Variants in RBFOX1 observed in about 807,000 individuals in gnomAD.
RBFOX1 encodes RNA binding fox-1 homolog 1.
RBFOX1 carries 8 observed loss-of-function variants against 57.7 expected under a neutral mutation model. The ratio of observed to expected loss-of-function variants is 0.14; its 90% confidence interval spans 0.08 to 0.25. The LOEUF (loss-of-function observed/expected upper bound fraction) is 0.25, where lower values mean the gene tolerates loss of function less well. Ranked by LOEUF, RBFOX1 falls within the 10% of genes least tolerant of loss-of-function variation. The probability of loss-of-function intolerance (pLI) is 1.00; values close to 1 mark genes in which losing one functional copy is unlikely to be tolerated. For missense variants in RBFOX1, 611 were observed against 548.5 expected (o/e 1.11, Z -1.14); for synonymous variants, 326 against 222.4 (o/e 1.47, Z -4.15).
chr16:6,490,487 C>G (rs1318829429), intron 2 of RBFOX1, among the ~76,000 whole-genome samples: 1 of 152,170 alleles, frequency 6.6e-6, no homozygotes, highest in Non-Finnish European at 1.5e-5. Context: ...CCATTTCATA[C>G]CAGCTGTCCT....
At chr16:6,857,340 G>A (rs1167224410) in intron 3 of RBFOX1, among the ~76,000 whole-genome samples, 1 of 152,146 alleles carries the variant, frequency 6.6e-6, no homozygotes, top group Non-Finnish European at 1.5e-5. Flanking sequence ...AAAGATGTAT[G>A]GGTAGCATCT....
In RBFOX1 at chr16:5,489,419, G is replaced by T. The variant is rs116339756; in HGVS notation, c.258+22165G>T. ...ACTGGTTTAAGTTCTGATCAGCCAG[G>T]TAGGTTAAAAGAACAGTTCTGAAAC... On this transcript the variant is annotated intron_variant, in intron 2 of 2. Transcript: ENST00000585867. Among the ~76,000 whole-genome samples, 1,146 of 152,312 alleles carry T rather than the reference G, an allele frequency of 7.5e-3. 10 individuals are homozygous for T. Among genetic ancestry groups the T allele is most frequent in the African/African-American group, 0.026 (1,084 of 41,558 alleles).
intron 2 of RBFOX1, among the ~76,000 whole-genome samples, chr16:6,467,547 AAG>A (rs768549855): frequency 2.5e-4 from 38 of 152,186 alleles, no homozygotes; most frequent in Non-Finnish European, 4.4e-4. Flanking sequence ...CTGTAGAATA[AAG>A]AGAGCTGGTT....
chr16:7,298,361 C>T (rs2095949349), intron 4 of RBFOX1, among the ~76,000 whole-genome samples: 1 of 149,930 alleles, frequency 6.7e-6, no homozygotes, highest in Non-Finnish European at 1.5e-5. Context: ...TGATCTCAGC[C>T]TACCGCAGCC....
intron 2 of RBFOX1, among the ~76,000 whole-genome samples, chr16:6,580,982 A>C (rs2097529712): frequency 6.6e-6 from 1 of 151,864 alleles, no homozygotes; most frequent in South Asian, 2.1e-4. Flanking sequence ...GCATTGATCA[A>C]GAATATATTT....
At chr16:7,086,443 T>A (rs1229462521) in intron 4 of RBFOX1, among the ~76,000 whole-genome samples, 1 of 152,208 alleles carries the variant, frequency 6.6e-6, no homozygotes, top group Non-Finnish European at 1.5e-5. Context: ...TCAATTAATA[T>A]GCTGGGCAAA....
At chr16:6,513,199 C>G (rs762073243) in intron 2 of RBFOX1, among the ~76,000 whole-genome samples, 3 of 152,150 alleles carry the variant, frequency 2.0e-5, no homozygotes, top group Non-Finnish European at 4.4e-5. Context: ...GTAAGAATGC[C>G]TAGCATATTG....
chr16:7,395,921 C>G (rs982007523), intron 4 of RBFOX1, among the ~76,000 whole-genome samples: 1 of 152,034 alleles, frequency 6.6e-6, no homozygotes, highest in African/African-American at 2.4e-5. Context: ...CCAGGGTTAT[C>G]CAAAATATTG....
intron 1 of RBFOX1, among the ~76,000 whole-genome samples, chr16:5,284,346 T>C (rs1467129986): frequency 3.9e-5 from 6 of 152,186 alleles, no homozygotes; most frequent in African/African-American, 9.7e-5. Context: ...TGGTTTTCTT[T>C]AGCGGTGACA....
chr16:6,306,386 C>G (rs1171404561), intron 1 of RBFOX1, among the ~76,000 whole-genome samples: 1 of 152,152 alleles, frequency 6.6e-6, no homozygotes, highest in African/African-American at 2.4e-5. Context: ...TGAGGGCTCT[C>G]AGTTATCGCT....
chr16:6,173,722 G>A lies in RBFOX1; in HGVS notation c.-126-143273G>A, dbSNP rs553147477. On this transcript the variant is annotated intron_variant, in intron 1 of 15. Coordinates refer to ENST00000550418, the MANE Select transcript of RBFOX1 (RefSeq NM_018723.4). ...CCTCTCGGGTTCAAGTGATTCTCCC[G>A]CCTGAACCTCCAGAGTAGCTGGGGC... Among the ~76,000 whole-genome samples, 13 of 142,016 alleles carry A rather than the reference G, an allele frequency of 9.2e-5. 1 individual carries two copies. The South Asian group carries it at 1.7e-3, about 18-fold the overall frequency. The allele number at this position is 142,016 out of a possible 152,430, so 93.2% of individuals were successfully genotyped here. A position where few individuals can be genotyped will look rare whatever the true frequency, so the allele number is the denominator to read the frequency against.
chr16:7,592,949 G>A (rs1055928711), intron 7 of RBFOX1, among the ~76,000 whole-genome samples: 1 of 150,426 alleles, frequency 6.6e-6, no homozygotes, highest in African/African-American at 2.4e-5. Context: ...CCAAGTAGCA[G>A]AGACAATAGG....
At chr16:5,499,604 G>A (rs1010177064) in intron 2 of RBFOX1, among the ~76,000 whole-genome samples, 6 of 150,210 alleles carry the variant, frequency 4.0e-5, no homozygotes, top group South Asian at 2.1e-4. Context: ...GCTGAGTCTC[G>A]CTGTATCGTC....
chr16:7,371,594 A>G (rs1358164083), intron 4 of RBFOX1, among the ~76,000 whole-genome samples: 1 of 152,156 alleles, frequency 6.6e-6, no homozygotes. Context: ...TACTAAAAAT[A>G]CAAAAATTAG....
At chr16:6,003,005 C>T (rs148950773) in intron 4 of RBFOX1, among the ~76,000 whole-genome samples, 30 of 152,248 alleles carry the variant, frequency 2.0e-4, no homozygotes, top group African/African-American at 6.7e-4. Context: ...GAAGACTGGG[C>T]GTGGTGGCTC....
At chr16:6,465,893 T>TGTGTGTGC (rs2095038197) in intron 2 of RBFOX1, among the ~76,000 whole-genome samples, 1 of 151,902 alleles carries the variant, frequency 6.6e-6, no homozygotes, top group African/African-American at 2.4e-5. Context: ...TTTGTGTGTG[T>TGTGTGTGC]GTGTGTGTGT....
intron 4 of RBFOX1, among the ~76,000 whole-genome samples, chr16:7,512,276 C>G (rs2075300686): frequency 6.6e-6 from 1 of 152,162 alleles, no homozygotes; most frequent in East Asian, 1.9e-4. Flanking sequence ...TTGCTGTGAC[C>G]TGGAGTGGAA....
chr16:6,877,110 G>A (rs762224778), intron 3 of RBFOX1, among the ~76,000 whole-genome samples: 4 of 152,082 alleles, frequency 2.6e-5, no homozygotes, highest in East Asian at 3.9e-4. Flanking sequence ...AGGCAGTCCC[G>A]CTGAAGAGAA....
At chr16:7,645,687 T>C (rs893634467) in intron 11 of RBFOX1, among the ~76,000 whole-genome samples, 20 of 152,232 alleles carry the variant, frequency 1.3e-4, no homozygotes, top group African/African-American at 4.1e-4. Context: ...TTAGAAATTT[T>C]TGTTTTCCTA....
Sources: gnomAD v4.1 joint callset for allele counts (sites outside exome capture counted in the v4.1 genomes callset) on GRCh38, gnomAD v4.1.1 for gene constraint, MANE v1.5 for transcripts, NCBI Gene and HGNC (gene_info 2026-07-23, HGNC 2026-07-21) for gene names.